GDPD4: variants seen among roughly 807,000 people sequenced by gnomAD.
GDPD4 encodes glycerophosphodiester phosphodiesterase domain containing 4, also known as glycerophosphodiester phosphodiesterase 6.
In GDPD4, 60 loss-of-function variants were observed where a neutral mutation model predicts 67.8. The ratio of observed to expected loss-of-function variants is 0.88; its 90% CI spans 0.72 to 1.10. The LOEUF is 1.10. GDPD4 is among the 50% of genes least tolerant of loss of function. GDPD4 has a pLI of 0.00. For synonymous variants in GDPD4, 212 were observed against 210.9 expected, an observed-to-expected ratio of 1.00 and a Z score of -0.04; for missense variants, 623 against 613.9, an observed-to-expected ratio of 1.01 and a Z score of -0.16.
intron 16 of GDPD4, among the ~76,000 whole-genome samples, chr11:77,227,400 C>T (rs1958362907): frequency 6.6e-6 from 1 of 152,204 alleles, no homozygotes. Flanking sequence ...CCCTAATGGG[C>T]ATGGCAGCTA....
intron 4 of GDPD4, among the ~76,000 whole-genome samples, chr11:77,277,183 G>A (rs1268597935): frequency 6.6e-6 from 1 of 150,512 alleles, no homozygotes; most frequent in East Asian, 1.9e-4. Flanking sequence ...AGTGGTCAGA[G>A]TTTGCCCTAC....
chr11:77,226,869 T>C (rs1958349839), intron 16 of GDPD4, among the ~76,000 whole-genome samples: 1 of 152,230 alleles, frequency 6.6e-6, no homozygotes, highest in African/African-American at 2.4e-5. Context: ...TATTCAAATT[T>C]CTAAACTTAG....
At chr11:77,250,909 CTTCT>C (rs1285434832) in intron 11 of GDPD4, among the ~76,000 whole-genome samples, 2 of 151,986 alleles carry the variant, frequency 1.3e-5, no homozygotes, top group East Asian at 1.9e-4. Flanking sequence ...TCATAATGAC[CTTCT>C]TTGTCTTTCT....
intron 3 of GDPD4, among the ~76,000 whole-genome samples, chr11:77,282,654 T>C (rs994727977): frequency 1.4e-4 from 21 of 148,458 alleles, no homozygotes; most frequent in Non-Finnish European, 2.1e-4. Flanking sequence ...ATCACTGCAC[T>C]CCAGCCTGGG....
chr11:77,239,747 G>C (rs894509831), intron 13 of GDPD4, among the ~76,000 whole-genome samples: 1 of 152,116 alleles, frequency 6.6e-6, no homozygotes, highest in Non-Finnish European at 1.5e-5. Flanking sequence ...GATCACCTGA[G>C]GTCAGGAGTT....
At chr11:77,262,854 C>CAAAA (rs67911054) in intron 10 of GDPD4, among the ~76,000 whole-genome samples, 14,293 of 66,572 alleles carry the variant, frequency 0.21, 2,019 homozygotes, top group African/African-American at 0.29. Flanking sequence ...TTCTCTGCTG[C>CAAAA]AAAAAAAAAA....
At chr11:77,245,799 T>TCC (rs1958770823) in intron 11 of GDPD4, among the ~76,000 whole-genome samples, 2 of 152,166 alleles carry the variant, frequency 1.3e-5, no homozygotes, top group Admixed American at 1.3e-4. Context: ...AGATAATACA[T>TCC]CCCTTTTCAG....
chr11:77,245,345 A>C lies in GDPD4; in HGVS notation c.1022T>G (p.Leu341Arg), dbSNP rs1489671293. 1 of 1,614,150 alleles carries C rather than the reference A, an allele frequency of 6.2e-7. No homozygotes were observed. Among genetic ancestry groups the C allele is most frequent in the Admixed American group, 1.7e-5 (1 of 60,010 alleles). The change falls in exon 12 of 17, where the codon CTC (leucine) becomes CGC (arginine). Residue 341 changes from leucine to arginine, a missense_variant. By Grantham distance (102) the Leu-to-Arg change is moderately radical (BLOSUM62 -2). Coordinates refer to ENST00000315938, the MANE Select transcript of GDPD4 (RefSeq NM_182833.3). ...DLHRPPPKHP[L>R]RHTFVRQVVS... ...TACTTGGCGGACAAATGTGTGTCTG[A>C]GAGGATGTTTTGGTGGAGGGCGATG...
At chr11:77,269,830 C>A in intron 8 of GDPD4, 53 bp downstream of exon 8, 2 of 964,588 alleles carry the variant, frequency 2.1e-6, no homozygotes, top group South Asian at 3.0e-5. Flanking sequence ...TGTACATTTT[C>A]AAGTTACCAC....
chr11:77,282,711 A>C (rs2602486), intron 3 of GDPD4, among the ~76,000 whole-genome samples: 76,245 of 151,614 alleles, frequency 0.5, 21,424 homozygotes, highest in African/African-American at 0.74. Context: ...ACAACAACAA[A>C]AAAAAAAACA....
chr11:77,217,317 G>T lies in GDPD4; in HGVS notation c.1526-3C>A. ...ATTCTTACTTCCACTCTGAGTATCT[G>T]TGGGATGGAAAAGACACAGATTCCT... On this transcript the variant is annotated splice_region_variant and splice_polypyrimidine_tract_variant and intron_variant, in intron 16 of 16. Coordinates refer to ENST00000315938, the MANE Select transcript of GDPD4 (RefSeq NM_182833.3). 6.2e-7 allele frequency: 1 copy of T among 1,602,766 alleles called. No individual in the cohort carries two copies. Among genetic ancestry groups the T allele is most frequent in the Non-Finnish European group, 8.5e-7 (1 of 1,169,692 alleles).
intron 15 of GDPD4, 50 bp from the exon 16 acceptor site, chr11:77,227,966 G>A (rs1338993484): frequency 8.0e-7 from 1 of 1,254,884 alleles, no homozygotes; most frequent in South Asian, 1.2e-5. Flanking sequence ...AAGAATCATG[G>A]TCTCTTCTAA....
chr11:77,262,195 T>C (rs1959132437), intron 10 of GDPD4, among the ~76,000 whole-genome samples: 1 of 152,210 alleles, frequency 6.6e-6, no homozygotes, highest in Admixed American at 6.5e-5. Context: ...GACACTTTTG[T>C]CATGCAGAAT....
intron 13 of GDPD4, among the ~76,000 whole-genome samples, chr11:77,239,786 C>T (rs1046068093): frequency 6.6e-6 from 1 of 151,860 alleles, no homozygotes; most frequent in Non-Finnish European, 1.5e-5. Flanking sequence ...CATGGGGAAA[C>T]CTGGTCTCTA....
At chr11:77,240,216 A>T (rs915321799) in intron 13 of GDPD4, among the ~76,000 whole-genome samples, 1 of 152,344 alleles carries the variant, frequency 6.6e-6, no homozygotes, top group East Asian at 1.9e-4. Context: ...GGCTGGACAC[A>T]TCACATTCCC....
intron 11 of GDPD4, among the ~76,000 whole-genome samples, chr11:77,252,065 G>GTTTTTTTTTTTTTTT (rs71043561): frequency 1.6e-5 from 2 of 127,424 alleles, no homozygotes; most frequent in Admixed American, 8.0e-5. Flanking sequence ...TTTTTTTTTT[G>GTTTTTTTTTTTTTTT]TTTTTTTTTT....
intron 13 of GDPD4, among the ~76,000 whole-genome samples, chr11:77,238,067 A>C (rs1958597410): frequency 6.6e-6 from 1 of 152,248 alleles, no homozygotes; most frequent in Non-Finnish European, 1.5e-5. Context: ...AAAATTATAA[A>C]GAGCAGAAAT....
chr11:77,289,054 A>G (rs1591580503), intron 1 of GDPD4, among the ~76,000 whole-genome samples: 1 of 150,876 alleles, frequency 6.6e-6, no homozygotes, highest in African/African-American at 2.4e-5. Flanking sequence ...GGAGAGAGAA[A>G]GAAAGAGAAG....
At chr11:77,277,391 CTTTTTTT>C (rs71043564) in intron 4 of GDPD4, among the ~76,000 whole-genome samples, 51 of 58,340 alleles carry the variant, frequency 8.7e-4, no homozygotes, top group African/African-American at 1.9e-3. Context: ...GCCATGTTTC[CTTTTTTT>C]TTTTTTTTTT....
Sources: allele counts gnomAD v4.1 joint callset (sites outside exome capture counted in the v4.1 genomes callset), GRCh38; gene constraint gnomAD v4.1.1; transcripts MANE v1.5; gene names NCBI Gene and HGNC (gene_info 2026-07-23, HGNC 2026-07-21).